Variants in GALNTL6 observed in about 807,000 individuals in gnomAD.
GALNTL6 encodes polypeptide N-acetylgalactosaminyltransferase-like 6.
In GALNTL6, 46 loss-of-function variants were observed where a neutral mutation model predicts 73.7. The observed-to-expected ratio is 0.62, with a 90% CI of 0.49 to 0.80. The LOEUF (loss-of-function observed/expected upper bound fraction) is 0.80. Among genes scored for constraint, GALNTL6 ranks in the 30% least tolerant of loss-of-function variants. GALNTL6 has a pLI of 0.00. For missense variants in GALNTL6, 604 were observed against 755.0 expected (o/e 0.80, Z 2.34); for synonymous variants, 259 against 263.7 (o/e 0.98, Z 0.17).
At chr4:172,992,318 C>T (rs1053733418) in intron 10 of GALNTL6, among the ~76,000 whole-genome samples, 6 of 152,140 alleles carry the variant, frequency 3.9e-5, no homozygotes, top group African/African-American at 1.4e-4. Context: ...GTCACAGAAG[C>T]GGTGTGTAAC....
chr4:171,842,192 C>A (rs1237267819), intron 2 of GALNTL6, among the ~76,000 whole-genome samples: 1 of 152,060 alleles, frequency 6.6e-6, no homozygotes, highest in African/African-American at 2.4e-5. Context: ...AGTATACATT[C>A]TAAATATTTA....
chr4:172,080,019 G>A (rs1179469495), intron 2 of GALNTL6, among the ~76,000 whole-genome samples: 3 of 151,964 alleles, frequency 2.0e-5, no homozygotes, highest in Non-Finnish European at 4.4e-5. Flanking sequence ...TATTTTATGT[G>A]TGATTTTTAC....
intron 2 of GALNTL6, among the ~76,000 whole-genome samples, chr4:171,902,655 A>C (rs1737132317): frequency 6.6e-6 from 1 of 152,182 alleles, no homozygotes; most frequent in African/African-American, 2.4e-5. Context: ...CATTGAAAGA[A>C]GCGAAGTGAA....
At chr4:172,293,603 C>T (rs929609716) in intron 3 of GALNTL6, among the ~76,000 whole-genome samples, 1 of 151,972 alleles carries the variant, frequency 6.6e-6, no homozygotes, top group Non-Finnish European at 1.5e-5. Context: ...CTCTGTTCTG[C>T]GTAGTCACTG....
intron 2 of GALNTL6, among the ~76,000 whole-genome samples, chr4:172,090,245 T>A (rs1009528938): frequency 1.3e-5 from 2 of 152,160 alleles, no homozygotes; most frequent in African/African-American, 2.4e-5. Flanking sequence ...CAAATGGTAT[T>A]TCTGGTTCTA....
chr4:172,918,712 G>A (rs1747652157), intron 8 of GALNTL6, among the ~76,000 whole-genome samples: 1 of 152,120 alleles, frequency 6.6e-6, no homozygotes, highest in Non-Finnish European at 1.5e-5. Context: ...TACCTATAAT[G>A]TGCCTCCTCC....
intron 2 of GALNTL6, among the ~76,000 whole-genome samples, chr4:172,172,314 CAG>C (rs1734856091): frequency 6.6e-6 from 1 of 152,156 alleles, no homozygotes; most frequent in Non-Finnish European, 1.5e-5. Context: ...TCTCCTGCCT[CAG>C]CCTCTCAGGT....
intron 5 of GALNTL6, among the ~76,000 whole-genome samples, chr4:172,619,976 T>A (rs1738892985): frequency 6.6e-6 from 1 of 152,206 alleles, no homozygotes; most frequent in South Asian, 2.1e-4. Flanking sequence ...TGAGCTGTAG[T>A]TGCAAACATG....
chr4:172,921,544 C>G (rs1014942922), intron 8 of GALNTL6, among the ~76,000 whole-genome samples: 3 of 152,004 alleles, frequency 2.0e-5, no homozygotes, highest in Non-Finnish European at 2.9e-5. Context: ...GCCTGTAATC[C>G]CAGTACTTTG....
intron 2 of GALNTL6, among the ~76,000 whole-genome samples, chr4:172,135,334 G>T (rs1382977291): frequency 1.3e-5 from 2 of 152,054 alleles, no homozygotes; most frequent in East Asian, 3.9e-4. Flanking sequence ...AGCCCTGGAT[G>T]CTGTACTGGA....
intron 2 of GALNTL6, among the ~76,000 whole-genome samples, chr4:172,140,937 G>T (rs1733782618): frequency 6.6e-6 from 1 of 151,964 alleles, no homozygotes; most frequent in Non-Finnish European, 1.5e-5. Context: ...AAATATAAAA[G>T]AAACCTAGCA....
At chr4:172,212,798 G>A (rs1365998216) in intron 2 of GALNTL6, among the ~76,000 whole-genome samples, 1 of 152,076 alleles carries the variant, frequency 6.6e-6, no homozygotes, top group African/African-American at 2.4e-5. Context: ...CTCCTGAGTA[G>A]CTGGGATTAT....
chr4:172,767,674 T>TTTC (rs1738518593), intron 5 of GALNTL6, among the ~76,000 whole-genome samples: 1 of 147,480 alleles, frequency 6.8e-6, no homozygotes, highest in South Asian at 2.2e-4. Context: ...TTTCTTTTTT[T>TTTC]TTTTTTTTTT....
At chr4:172,780,549 C>T (rs1254039994) in intron 5 of GALNTL6, among the ~76,000 whole-genome samples, 2 of 152,202 alleles carry the variant, frequency 1.3e-5, no homozygotes, top group Non-Finnish European at 2.9e-5. Flanking sequence ...TGGCTGATTT[C>T]ATTGCCTTGA....
chr4:172,991,864 A>G (rs1751558795), intron 10 of GALNTL6, among the ~76,000 whole-genome samples: 1 of 152,212 alleles, frequency 6.6e-6, no homozygotes, highest in Non-Finnish European at 1.5e-5. Flanking sequence ...TTTGACACAG[A>G]GCCCAGTTCC....
chr4:172,526,284 C>T (rs1252750605), intron 5 of GALNTL6, among the ~76,000 whole-genome samples: 2 of 152,162 alleles, frequency 1.3e-5, no homozygotes, highest in Non-Finnish European at 2.9e-5. Flanking sequence ...CTCACTAAAA[C>T]CATTGATTGT....
At chr4:171,944,358 T>C (rs332992) in intron 2 of GALNTL6, among the ~76,000 whole-genome samples, 106,575 of 151,826 alleles carry the variant, frequency 0.7, 39,012 homozygotes, top group Admixed American at 0.82. Context: ...TGCTAAACAG[T>C]ATGAAGACTA....
intron 8 of GALNTL6, among the ~76,000 whole-genome samples, chr4:172,894,892 T>A (rs1746236545): frequency 1.3e-5 from 2 of 152,058 alleles, no homozygotes; most frequent in African/African-American, 4.8e-5. Context: ...TATTTATAAT[T>A]GTTATATCCT....
At chr4:172,459,695 T>C (rs946170222) in intron 5 of GALNTL6, among the ~76,000 whole-genome samples, 14 of 152,122 alleles carry the variant, frequency 9.2e-5, no homozygotes, top group African/African-American at 3.4e-4. Context: ...TACAAACCAC[T>C]GCTCAAGGAA....
Sources: allele counts gnomAD v4.1 joint callset (sites outside exome capture counted in the v4.1 genomes callset), GRCh38; gene constraint gnomAD v4.1.1; transcripts MANE v1.5; gene names NCBI Gene and HGNC (gene_info 2026-07-23, HGNC 2026-07-21).